The following ERBB4 variants were observed in gnomAD, a reference collection of about 807,000 sequenced individuals.
ERBB4 encodes receptor tyrosine-protein kinase erbB-4.
Under a neutral mutation model 158.0 loss-of-function variants are expected in ERBB4, and 42 were observed. The observed-to-expected ratio is 0.27, with a 90% CI of 0.21 to 0.34. The LOEUF is 0.34. Among genes scored for constraint, ERBB4 ranks in the 10% least tolerant of loss-of-function variants. The probability of loss-of-function intolerance (pLI) is 1.00; values close to 1 mark genes in which losing one functional copy is unlikely to be tolerated. For missense variants in ERBB4, 1,333 were observed against 1,624.1 expected, an observed-to-expected ratio of 0.82 and a Z score of 3.08; for synonymous variants, 583 against 558.7, an observed-to-expected ratio of 1.04 and a Z score of -0.61.
chr2:212,284,644 C>A (rs2085889867), intron 1 of ERBB4, among the ~76,000 whole-genome samples: 1 of 152,056 alleles, frequency 6.6e-6, no homozygotes, highest in African/African-American at 2.4e-5. Context: ...ATTTGAGTAT[C>A]TTTTTGCCTG....
intron 14 of ERBB4, among the ~76,000 whole-genome samples, chr2:211,666,262 A>C (rs1026080803): frequency 2.0e-5 from 3 of 152,164 alleles, no homozygotes; most frequent in Non-Finnish European, 4.4e-5. Flanking sequence ...GATGAGCAAA[A>C]TAGTCCATAA....
Position 212,506,355 on chromosome 2 carries a change from G to A in ERBB4, c.82+32094C>T, listed in dbSNP as rs534652467. On this transcript the variant is annotated intron_variant, in intron 1 of 27. Transcript: ENST00000342788. The stretch of plus-strand genomic sequence containing the variant: ...AGTGTTCAAGTAAAAAGAATTGCAT[G>A]TCTCTCACTTGAAATCAAAAGCTAG... Among the ~76,000 whole-genome samples the A allele has an allele frequency of 5.5e-4, 70 of 128,412 alleles. 2 individuals carry two copies. Among genetic ancestry groups the A allele is most frequent in the African/African-American group, 1.6e-3 (64 of 39,728 alleles). 84.2% of individuals were successfully genotyped at this position (128,412 alleles called of 152,430 possible).
Position 211,679,046 on chromosome 2 carries a change from C to A in ERBB4, c.1622+6G>T, listed in dbSNP as rs754695940. ...GAGGTGAAGGCAACCCTAGAAGAAG[C>A]CTTACCCATCATAGAGGTTACAAGA... is the stretch of plus-strand genomic sequence containing the variant. On this transcript the variant is annotated splice_donor_region_variant and intron_variant, in intron 13 of 27. Transcript: ENST00000342788. The A allele has an allele frequency of 6.2e-7, 1 of 1,606,168 alleles. No individual in the cohort carries two copies. Among genetic ancestry groups the A allele is most frequent in the African/African-American group, 1.3e-5 (1 of 74,270 alleles).
intron 1 of ERBB4, among the ~76,000 whole-genome samples, chr2:212,190,586 T>C (rs534238437): frequency 6.6e-6 from 1 of 150,824 alleles, no homozygotes; most frequent in Non-Finnish European, 1.5e-5. Flanking sequence ...CTTTGATACA[T>C]AAGTGTATTC....
chr2:211,770,423 C>T (rs1387046384), intron 4 of ERBB4, among the ~76,000 whole-genome samples: 10 of 152,180 alleles, frequency 6.6e-5, no homozygotes, highest in Non-Finnish European at 1.5e-4. Context: ...GGAGTTACTA[C>T]TTCGAAGAAA....
intron 5 of ERBB4, among the ~76,000 whole-genome samples, chr2:211,739,496 G>T (rs376184960): frequency 4.6e-5 from 7 of 151,942 alleles, no homozygotes; most frequent in African/African-American, 1.7e-4. Context: ...ACAGAGTCTC[G>T]CTCTGTCACC....
chr2:211,723,440 T>C (rs773952897), intron 6 of ERBB4, among the ~76,000 whole-genome samples: 7 of 152,208 alleles, frequency 4.6e-5, no homozygotes, highest in African/African-American at 9.6e-5. Context: ...ACTCAAGCTA[T>C]GATTTACATT....
chr2:212,358,683 T>A (rs2089561564), intron 1 of ERBB4, among the ~76,000 whole-genome samples: 1 of 151,738 alleles, frequency 6.6e-6, no homozygotes, highest in Non-Finnish European at 1.5e-5. Flanking sequence ...AATGATAGAA[T>A]AACGAATACT....
chr2:211,738,382 T>G (rs940516804), intron 5 of ERBB4, among the ~76,000 whole-genome samples: 145 of 150,338 alleles, frequency 9.6e-4, no homozygotes, highest in African/African-American at 3.1e-3. Context: ...TTTTTTTTTT[T>G]TTTTGAGACA....
At chr2:212,245,133 A>G (rs2084262695) in intron 1 of ERBB4, among the ~76,000 whole-genome samples, 1 of 152,098 alleles carries the variant, frequency 6.6e-6, no homozygotes, top group African/African-American at 2.4e-5. Context: ...TCAAAGTAAC[A>G]TTTTCCTGAT....
chr2:212,114,519 C>A (rs574734262), intron 2 of ERBB4, among the ~76,000 whole-genome samples: 1 of 152,128 alleles, frequency 6.6e-6, no homozygotes, highest in Non-Finnish European at 1.5e-5. Flanking sequence ...TGGACTTTAT[C>A]CTAAGAGGAT....
intron 2 of ERBB4, among the ~76,000 whole-genome samples, chr2:212,059,845 G>A (rs1190191964): frequency 6.6e-6 from 1 of 152,148 alleles, no homozygotes; most frequent in Admixed American, 6.5e-5. Flanking sequence ...AACCCTAGAA[G>A]AAAACCTAGA....
At chr2:212,262,973 T>C (rs1287600379) in intron 1 of ERBB4, among the ~76,000 whole-genome samples, 1 of 152,172 alleles carries the variant, frequency 6.6e-6, no homozygotes, top group African/African-American at 2.4e-5. Flanking sequence ...TGACCTTATT[T>C]GGAATAAGGT....
At chr2:211,530,945 G>A (rs2066482573) in intron 20 of ERBB4, among the ~76,000 whole-genome samples, 1 of 151,884 alleles carries the variant, frequency 6.6e-6, no homozygotes, top group South Asian at 2.1e-4. Context: ...AAAACAGCAT[G>A]GTACTCACAT....
At position 211,383,266 on chromosome 2, in the gene ERBB4, G is replaced by T; in HGVS notation, c.*349C>A. 1 of 283,492 alleles carries T rather than the reference G, an allele frequency of 3.5e-6. No homozygotes were observed. Among genetic ancestry groups the T allele is most frequent in the Non-Finnish European group, 6.7e-6 (1 of 149,236 alleles). 17.6% of individuals were successfully genotyped at this position (283,492 alleles called of 1,614,324 possible). On this transcript the variant is annotated 3_prime_UTR_variant, in exon 28 of 28. Transcript: ENST00000342788. ...TTAAAAAAAAAAAAAAAAAAGAAGA[G>T]GAAGAAAGAAACAAAGAAAGAAAAA...
intron 3 of ERBB4, among the ~76,000 whole-genome samples, chr2:211,847,141 G>A (rs2077609958): frequency 6.6e-6 from 1 of 152,090 alleles, no homozygotes; most frequent in African/African-American, 2.4e-5. Flanking sequence ...TGGATTCTTT[G>A]TAAAATTAGT....
intron 3 of ERBB4, among the ~76,000 whole-genome samples, chr2:211,922,747 G>C (rs1246520160): frequency 2.6e-5 from 4 of 152,088 alleles, no homozygotes; most frequent in Non-Finnish European, 5.9e-5. Flanking sequence ...TTATGGGGTG[G>C]TGTGGATTGT....
intron 1 of ERBB4, among the ~76,000 whole-genome samples, chr2:212,308,626 C>A (rs1229919429): frequency 6.6e-6 from 1 of 150,796 alleles, no homozygotes; most frequent in Non-Finnish European, 1.5e-5. Flanking sequence ...ACATCTTTTC[C>A]CCTCAACTAA....
intron 20 of ERBB4, among the ~76,000 whole-genome samples, chr2:211,525,135 C>T (rs2066310713): frequency 6.6e-6 from 1 of 152,150 alleles, no homozygotes; most frequent in Non-Finnish European, 1.5e-5. Flanking sequence ...ACAAAGACTG[C>T]AAGTCCTAGT....
Sources: gnomAD v4.1 joint callset for allele counts (sites outside exome capture counted in the v4.1 genomes callset) on GRCh38, gnomAD v4.1.1 for gene constraint, MANE v1.5 for transcripts, NCBI Gene and HGNC (gene_info 2026-07-23, HGNC 2026-07-21) for gene names.